The following NUDC variants were observed in gnomAD, a reference collection of about 807,000 sequenced individuals.
NUDC encodes nuclear migration protein nudC.
A neutral mutation model predicts 45.0 loss-of-function variants in NUDC; 14 were observed. That is an observed-to-expected ratio of 0.31 (90% CI 0.21 to 0.49). The LOEUF is 0.49. Among genes scored for constraint, NUDC ranks in the 20% least tolerant of loss-of-function variants. NUDC has a pLI of 0.99. For missense variants in NUDC, 323 were observed against 426.2 expected (o/e 0.76, Z 2.13); for synonymous variants, 153 against 156.7 (o/e 0.98, Z 0.17).
chr1:26,913,765 G>A (rs2082044214), intron 3 of NUDC: 1 of 1,574,102 alleles, frequency 6.4e-7, no homozygotes, highest in African/African-American at 1.4e-5. Context: ...AACATCCAAG[G>A]CCTCCCGGCA....
intron 2 of NUDC, among the ~76,000 whole-genome samples, chr1:26,909,244 G>A (rs190098028): frequency 2.0e-5 from 3 of 152,230 alleles, no homozygotes; most frequent in African/African-American, 7.2e-5. Flanking sequence ...AAAAGTGCTG[G>A]GATTACAGGT....
At position 26,945,642 on chromosome 1, in the gene NUDC, G is replaced by T; in HGVS notation, c.900G>T (p.Gly300=). 6.2e-7 allele frequency: 1 copy of T among 1,614,132 alleles called. No homozygotes were observed. Among genetic ancestry groups the T allele is most frequent in the Admixed American group, 1.7e-5 (1 of 60,012 alleles). The change falls in exon 8 of 9, where the codon GGG becomes GGT. Residue 300 remains glycine (G), a synonymous_variant. Coordinates refer to ENST00000321265, the MANE Select transcript of NUDC (RefSeq NM_006600.4). ...ATGACCAGCGACAGAAGTCCATGGG[G>T]CTGCCAACTTCAGACGAACAGAAGA... ...MMYDQRQKSM[G]LPTSDEQKKQ... is the part of the protein sequence containing the mutation.
At chr1:26,905,148 A>ATTTTTT (rs2081997342) in intron 2 of NUDC, among the ~76,000 whole-genome samples, 1 of 107,260 alleles carries the variant, frequency 9.3e-6, no homozygotes. Flanking sequence ...TATTATTATT[A>ATTTTTT]TTATTATTAT....
At chr1:26,920,276 G>A (rs2082082382), upstream of NUDC, among the ~76,000 whole-genome samples, 1 of 152,094 alleles carries the variant, frequency 6.6e-6, no homozygotes, top group Non-Finnish European at 1.5e-5. Flanking sequence ...GATCACTTGA[G>A]GTCAGGAGTT....
chr1:26,908,622 C>T (rs2082012284), intron 2 of NUDC, among the ~76,000 whole-genome samples: 1 of 152,158 alleles, frequency 6.6e-6, no homozygotes, highest in Non-Finnish European at 1.5e-5. Flanking sequence ...TGCAGTGATG[C>T]TCCCATGCTC....
rs1368546091 is a variant in NUDC at position 26,946,240 on chromosome 1, C to A, written c.*59C>A. 3 of 1,464,060 alleles carry A rather than the reference C, an allele frequency of 2.0e-6. No individual in the cohort carries two copies. The highest frequency in any genetic ancestry group is 2.9e-6 in the Non-Finnish European group (3 of 1,045,294). 90.7% of individuals were successfully genotyped at this position (1,464,060 alleles called of 1,614,324 possible). On this transcript the variant is annotated 3_prime_UTR_variant, in exon 9 of 9. Coordinates refer to ENST00000321265, the MANE Select transcript of NUDC (RefSeq NM_006600.4). ...GAGCTGCAACCACCCAACTTTCTTT[C>A]CCACTCTTCTCTGGGACTTGTGGGC... is the stretch of plus-strand genomic sequence containing the variant.
intron 4 of NUDC, 31 bp downstream of exon 4, chr1:26,941,849 C>G: frequency 6.2e-7 from 1 of 1,606,462 alleles, no homozygotes; most frequent in Non-Finnish European, 8.5e-7. Flanking sequence ...TTGGGATGAG[C>G]CAGGAGCTTG....
chr1:26,929,762 A>C, intron 2 of NUDC: 1 of 361,948 alleles, frequency 2.8e-6, no homozygotes. Context: ...AGTGGCTCAT[A>C]CCTGTAATCC....
chr1:26,919,079 C>CT (rs71010304), upstream of NUDC, among the ~76,000 whole-genome samples: 44,819 of 147,200 alleles, frequency 0.3, 7,245 homozygotes, highest in Non-Finnish European at 0.37. Flanking sequence ...CATCCAGCTA[C>CT]TTTTTTTTTT....
At chr1:26,943,161 T>G in intron 6 of NUDC, 96 bp downstream of exon 6, 2 of 1,239,010 alleles carry the variant, frequency 1.6e-6, no homozygotes, top group Non-Finnish European at 2.4e-6. Context: ...GGGGGCATTG[T>G]GGGATTATCT....
intron 6 of NUDC, among the ~76,000 whole-genome samples, chr1:26,943,490 T>G: frequency 6.6e-6 from 1 of 152,162 alleles, no homozygotes; most frequent in Non-Finnish European, 1.5e-5. Flanking sequence ...AGTGCTGAGA[T>G]TACAGGCTTG....
exon 1 of NUDC, chr1:26,900,318 C>A: frequency 1.2e-6 from 2 of 1,614,080 alleles, no homozygotes; most frequent in Non-Finnish European, 1.7e-6. Context: ...GAGGAAGCCA[C>A]CGCCGCGCTC....
chr1:26,903,038 C>CACACTCCATCCT (rs2081987281), intron 2 of NUDC, among the ~76,000 whole-genome samples: 1 of 150,430 alleles, frequency 6.6e-6, no homozygotes, highest in African/African-American at 2.5e-5. Context: ...GGCAACAGAG[C>CACACTCCATCCT]GAGACTCTGT....
chr1:26,916,507 C>T (rs2082062693), intron 3 of NUDC, among the ~76,000 whole-genome samples: 1 of 152,160 alleles, frequency 6.6e-6, no homozygotes, highest in African/African-American at 2.4e-5. Context: ...TCATTTTGGC[C>T]TGCTTCCATA....
Position 26,941,777 on chromosome 1 carries a change from G to T in NUDC, c.388G>T (p.Ala130Ser), listed in dbSNP as rs2082279265. The change falls in exon 4 of 9, where the codon GCC becomes TCC. Residue 130 changes from alanine to serine, a missense_variant. By Grantham distance (99) the Ala-to-Ser change is moderately conservative (BLOSUM62 1). This residue lies in a region of NUDC where 245 missense variants were observed against 278.8 expected (regional missense o/e 0.88). Coordinates refer to ENST00000321265, the MANE Select transcript of NUDC (RefSeq NM_006600.4). Reference sequence around the variant, plus strand: ...GAAAAAGGATGCAGAGAATCATGAGGCCCAGCTCAAGAACGGCAGCCTTGA... The same window carrying T: ...GAAAAAGGATGCAGAGAATCATGAGTCCCAGCTCAAGAACGGCAGCCTTGA... Reference protein sequence around the residue: ...DQKKDAENHEAQLKNGSLDSP... With the variant: ...DQKKDAENHESQLKNGSLDSP... 6.2e-7 allele frequency: 1 copy of T among 1,613,824 alleles called. No individual in the cohort carries two copies. Among genetic ancestry groups the T allele is most frequent in the African/African-American group, 1.3e-5 (1 of 74,924 alleles).
chr1:26,924,203 G>T, intron 2 of NUDC, 37 bp downstream of exon 2: 1 of 1,582,240 alleles, frequency 6.3e-7, no homozygotes, highest in Non-Finnish European at 8.7e-7. Flanking sequence ...GGGCGGCTCT[G>T]TCTCTTCAGA....
rs1452548819 is a variant in NUDC, at chr1:26,945,445, C to A, written c.797C>A (p.Thr266Asn). 1 of 1,614,046 alleles carries A rather than the reference C, an allele frequency of 6.2e-7. No individual in the cohort carries two copies. The highest frequency in any genetic ancestry group is 8.5e-7 in the Non-Finnish European group (1 of 1,180,036). Residue 266 changes from threonine (T) to asparagine (N), a missense_variant, in exon 7 of 9, where the codon ACC becomes AAC. Thr to Asn is a moderately conservative substitution (Grantham distance 65). Transcript: ENST00000321265. The part of the protein sequence containing the change: ...RLVSSDPEIN[T>N]KKINPENSKL... The stretch of plus-strand genomic sequence containing the variant: ...GTGTCCAGTGACCCTGAGATCAACA[C>A]CAAGAAGATTAACCCTGAGAATTCC...
chr1:26,923,684 C>G (rs2082109091), intron 1 of NUDC, among the ~76,000 whole-genome samples: 2 of 152,252 alleles, frequency 1.3e-5, no homozygotes, highest in South Asian at 4.1e-4. Context: ...GTTGGCCAGG[C>G]TGGTCTTGAA....
chr1:26,932,040 A>T (rs1454799436), intron 2 of NUDC, among the ~76,000 whole-genome samples: 1 of 149,218 alleles, frequency 6.7e-6, no homozygotes, highest in African/African-American at 2.5e-5. Context: ...TCTGAGACAG[A>T]GTCTCACTCT....
Sources: gnomAD v4.1 joint callset for allele counts (sites outside exome capture counted in the v4.1 genomes callset) on GRCh38, gnomAD v4.1.1 for gene constraint, gnomAD v4.1.1 regional missense constraint, MANE v1.5 for transcripts, NCBI Gene and HGNC (gene_info 2026-07-23, HGNC 2026-07-21) for gene names.